The following SAMD12 variants were observed in gnomAD, a reference collection of about 807,000 sequenced individuals.
SAMD12 encodes sterile alpha motif domain containing 12.
In SAMD12, 9 loss-of-function variants were observed where a neutral mutation model predicts 15.0. The ratio of observed to expected loss-of-function variants is 0.60; its 90% CI spans 0.36 to 1.05. SAMD12 has a LOEUF of 1.05. Ranked by LOEUF, SAMD12 falls within the 50% of genes least tolerant of loss-of-function variation. SAMD12 has a pLI of 0.01. For synonymous variants in SAMD12, 86 were observed against 90.1 expected (o/e 0.96, Z 0.25); for missense variants, 230 against 234.2 (o/e 0.98, Z 0.12).
At chr8:118,150,830 G>A in the SAMD12 span, among the ~76,000 whole-genome samples, 2 of 152,058 alleles carry the variant, frequency 1.3e-5, no homozygotes, top group African/African-American at 4.8e-5. Context: ...GTCTGTTGCT[G>A]ATGAATTCTT....
chr8:118,465,313 T>A (rs1384630166), intron 2 of SAMD12, among the ~76,000 whole-genome samples: 1 of 152,162 alleles, frequency 6.6e-6, no homozygotes, highest in Non-Finnish European at 1.5e-5. Flanking sequence ...ATACGATTAC[T>A]CAACTTTTTT....
At chr8:118,165,109 A>T in the SAMD12 span, among the ~76,000 whole-genome samples, 1 of 151,918 alleles carries the variant, frequency 6.6e-6, no homozygotes, top group African/African-American at 2.4e-5. Context: ...CCACAGGTTA[A>T]GGGCTCACAA....
intron 4 of SAMD12, among the ~76,000 whole-genome samples, chr8:118,305,888 A>T (rs1185443255): frequency 2.0e-5 from 3 of 152,078 alleles, no homozygotes; most frequent in Non-Finnish European, 4.4e-5. Flanking sequence ...AGGCCGAGGG[A>T]CAGAAGAGGG....
At chr8:118,385,898 G>C (rs982463300) in intron 3 of SAMD12, among the ~76,000 whole-genome samples, 8 of 152,180 alleles carry the variant, frequency 5.3e-5, no homozygotes, top group Non-Finnish European at 1.0e-4. Flanking sequence ...CATATAGAGG[G>C]AAGAGGCTCC....
intron 4 of SAMD12, among the ~76,000 whole-genome samples, chr8:118,275,519 C>T (rs1813451969): frequency 6.6e-6 from 1 of 152,156 alleles, no homozygotes; most frequent in South Asian, 2.1e-4. Context: ...CTTGATAAAA[C>T]TCACTCACAT....
intron 1 of SAMD12, among the ~76,000 whole-genome samples, chr8:118,604,001 A>G (rs1827928478): frequency 6.6e-6 from 1 of 152,224 alleles, no homozygotes; most frequent in Non-Finnish European, 1.5e-5. Flanking sequence ...CATAAAAATA[A>G]AATCTAAATT....
chr8:118,316,457 G>T (rs1461536148), intron 4 of SAMD12, among the ~76,000 whole-genome samples: 1 of 151,958 alleles, frequency 6.6e-6, no homozygotes, highest in East Asian at 1.9e-4. Context: ...AATTGCTTGA[G>T]TCCAGGAGTC....
intron 2 of SAMD12, among the ~76,000 whole-genome samples, chr8:118,463,880 A>G (rs1271941188): frequency 6.6e-6 from 1 of 152,124 alleles, no homozygotes; most frequent in Non-Finnish European, 1.5e-5. Context: ...AGGGAAAAGT[A>G]TGGTTTTGGC....
At chr8:118,449,529 AG>A (rs1157910482) in intron 2 of SAMD12, among the ~76,000 whole-genome samples, 2 of 151,438 alleles carry the variant, frequency 1.3e-5, no homozygotes, top group South Asian at 2.1e-4. Context: ...GTGAGAAAAT[AG>A]GCCGGGCGTG....
intron 4 of SAMD12, among the ~76,000 whole-genome samples, chr8:118,200,463 C>T (rs906036984): frequency 2.0e-5 from 3 of 148,856 alleles, no homozygotes; most frequent in Non-Finnish European, 3.0e-5. Flanking sequence ...CAACAAGATA[C>T]TCCTGCAAGA....
chr8:118,591,188 CA>C (rs763741475), intron 1 of SAMD12, among the ~76,000 whole-genome samples: 9 of 151,620 alleles, frequency 5.9e-5, no homozygotes, highest in Non-Finnish European at 1.3e-4. Flanking sequence ...CTCAAAAATA[CA>C]ACAAAACAGA....
chr8:118,302,658 C>T (rs1024018820), intron 4 of SAMD12, among the ~76,000 whole-genome samples: 2 of 152,156 alleles, frequency 1.3e-5, no homozygotes, highest in Non-Finnish European at 1.5e-5. Context: ...CAAAAGGGAA[C>T]TCTGTTGATC....
intron 4 of SAMD12, among the ~76,000 whole-genome samples, chr8:118,308,134 C>T (rs980863528): frequency 2.3e-4 from 35 of 152,186 alleles, no homozygotes; most frequent in African/African-American, 8.2e-4. Flanking sequence ...TACAGCTTGT[C>T]CTTCATTTTG....
intron 2 of SAMD12, among the ~76,000 whole-genome samples, chr8:118,544,705 C>G (rs1786548366): frequency 6.6e-6 from 1 of 152,204 alleles, no homozygotes; most frequent in Non-Finnish European, 1.5e-5. Flanking sequence ...CTGCTTCCTT[C>G]TCAACCTTCA....
rs116378610 is a variant in SAMD12 at position 118,591,413 on chromosome 8, C to T, written c.14-10520G>A. ...TACTAATATTACCCTATTTTTTACA[C>T]TCACATTATTATTGTGTTGATAAAG... is the stretch of plus-strand genomic sequence containing the variant. On this transcript the variant is annotated intron_variant, in intron 1 of 3. Coordinates refer to ENST00000314727, the MANE Select transcript of SAMD12 (RefSeq NM_207506.3). Among the ~76,000 whole-genome samples, 553 of 152,240 alleles carry T rather than the reference C, an allele frequency of 3.6e-3. 2 individuals carry two copies. The highest frequency in any genetic ancestry group is 0.013 in the African/African-American group (541 of 41,542).
At chr8:118,484,056 T>C (rs191447760) in intron 2 of SAMD12, among the ~76,000 whole-genome samples, 5 of 152,268 alleles carry the variant, frequency 3.3e-5, no homozygotes, top group Admixed American at 1.3e-4. Context: ...TGATATGTCA[T>C]ACAGTGATAC....
chr8:118,294,994 C>T (rs1389014511), intron 4 of SAMD12, among the ~76,000 whole-genome samples: 1 of 152,034 alleles, frequency 6.6e-6, no homozygotes, highest in Non-Finnish European at 1.5e-5. Context: ...GGGGAGGATC[C>T]CGCTTTAGTT....
At chr8:118,555,137 C>T (rs1826487372) in intron 2 of SAMD12, among the ~76,000 whole-genome samples, 2 of 152,154 alleles carry the variant, frequency 1.3e-5, no homozygotes, top group South Asian at 2.1e-4. Context: ...GTTAGCAGAG[C>T]AAATGTGAGA....
At chr8:118,187,022 T>C (rs1819254915), downstream of SAMD12, among the ~76,000 whole-genome samples, 1 of 152,208 alleles carries the variant, frequency 6.6e-6, no homozygotes, top group South Asian at 2.1e-4. Context: ...ATTCCCCTCT[T>C]GAACTTTCCT....
Sources: gnomAD v4.1 joint callset for allele counts (sites outside exome capture counted in the v4.1 genomes callset) on GRCh38, gnomAD v4.1.1 for gene constraint, MANE v1.5 for transcripts, NCBI Gene and HGNC (gene_info 2026-07-23, HGNC 2026-07-21) for gene names.